The following NRG1 variants were observed in gnomAD, a reference collection of about 807,000 sequenced individuals.
The protein encoded by NRG1 is neuregulin 1.
A neutral mutation model predicts 63.8 loss-of-function variants in NRG1; 18 were observed. That is an observed-to-expected ratio of 0.28 (90% CI 0.19 to 0.42). The LOEUF is 0.42. Ranked by LOEUF, NRG1 falls within the 10% of genes least tolerant of loss-of-function variation. The pLI, the probability that NRG1 is intolerant of heterozygous loss-of-function variation, is 1.00. For missense variants in NRG1, 762 were observed against 814.7 expected, an observed-to-expected ratio of 0.94 and a Z score of 0.79; for synonymous variants, 302 against 301.3, an observed-to-expected ratio of 1.00 and a Z score of -0.02.
At chr8:32,129,163 G>A (rs1039267977) in intron 1 of NRG1, among the ~76,000 whole-genome samples, 2 of 151,980 alleles carry the variant, frequency 1.3e-5, no homozygotes, top group East Asian at 3.9e-4. Flanking sequence ...ACAATCTCAG[G>A]TTCATAAAAA....
At chr8:32,545,242 C>T (rs1168407781), upstream of NRG1, among the ~76,000 whole-genome samples, 2 of 149,538 alleles carry the variant, frequency 1.3e-5, no homozygotes, top group Non-Finnish European at 2.9e-5. Flanking sequence ...TGTAGTGGCA[C>T]ACGATTGCGT....
chr8:32,374,601 G>A (rs1423118294), intron 1 of NRG1, among the ~76,000 whole-genome samples: 3 of 152,166 alleles, frequency 2.0e-5, no homozygotes, highest in Non-Finnish European at 4.4e-5. Context: ...AACCAAATTA[G>A]TGATTCCCCT....
In NRG1 at chr8:32,232,687, T is replaced by C. The variant is rs940890583; in HGVS notation, c.38-363141T>C. ...AAATTTCCTTAACTGGGTTCTATCT[T>C]TTACTTTTTATCCCAGGCTTTTAGC... is the stretch of plus-strand genomic sequence containing the variant. On this transcript the variant is annotated intron_variant, in intron 1 of 10. Coordinates refer to the NRG1 transcript ENST00000519301. Among the ~76,000 whole-genome samples the C allele has an allele frequency of 3.9e-4, 60 of 152,168 alleles. 1 individual carries two copies. Among genetic ancestry groups the C allele is most frequent in the Admixed American group, 2.8e-3 (43 of 15,272 alleles).
chr8:31,817,941 T>C (rs1358024464), intron 1 of NRG1, among the ~76,000 whole-genome samples: 1 of 152,220 alleles, frequency 6.6e-6, no homozygotes, highest in African/African-American at 2.4e-5. Context: ...ATATTTTTAA[T>C]CTACTTTAGC....
chr8:32,632,288 C>T (rs1850461637), intron 5 of NRG1, among the ~76,000 whole-genome samples: 1 of 152,126 alleles, frequency 6.6e-6, no homozygotes, highest in Non-Finnish European at 1.5e-5. Flanking sequence ...CGTGGTGGCT[C>T]ACACCTGTAA....
intron 1 of NRG1, among the ~76,000 whole-genome samples, chr8:31,850,902 A>T (rs1277303883): frequency 6.6e-6 from 1 of 152,162 alleles, no homozygotes; most frequent in East Asian, 1.9e-4. Context: ...GTCTCTATTG[A>T]CAAAACCGGA....
At chr8:31,802,424 G>T (rs1487084467) in intron 1 of NRG1, among the ~76,000 whole-genome samples, 2 of 152,040 alleles carry the variant, frequency 1.3e-5, no homozygotes, top group Admixed American at 6.6e-5. Context: ...AGCAGGTTTT[G>T]GGTGTTACAT....
At chr8:32,386,893 G>A (rs1399750310) in intron 1 of NRG1, among the ~76,000 whole-genome samples, 1 of 152,132 alleles carries the variant, frequency 6.6e-6, no homozygotes. Flanking sequence ...GTGTAGGGAT[G>A]CAGAGCAAAT....
At chr8:32,691,125 A>G (rs889370263) in intron 5 of NRG1, among the ~76,000 whole-genome samples, 1 of 152,084 alleles carries the variant, frequency 6.6e-6, no homozygotes, top group Non-Finnish European at 1.5e-5. Context: ...GTTATCTTGA[A>G]TGAGGGTGGA....
At chr8:32,122,189 A>G (rs758893965) in intron 1 of NRG1, among the ~76,000 whole-genome samples, 1 of 151,972 alleles carries the variant, frequency 6.6e-6, no homozygotes, top group Non-Finnish European at 1.5e-5. Flanking sequence ...ACAAATATAA[A>G]TAGTTATGGG....
At position 31,707,575 on chromosome 8, in the gene NRG1, T is replaced by A. The variant is rs1202886015; in HGVS notation, c.37+68144T>A. Among the ~76,000 whole-genome samples the A allele has an allele frequency of 3.3e-5, 5 of 152,272 alleles. No homozygotes were observed. The East Asian group carries it at 9.6e-4, about 29-fold the overall frequency. Reference sequence around the variant, plus strand: ...ATTTTATTACATTTTCAAATTAAATTGCTGTCTTTATGATCTCGAAATTTA... The same window carrying A: ...ATTTTATTACATTTTCAAATTAAATAGCTGTCTTTATGATCTCGAAATTTA... On this transcript the variant is annotated intron_variant, in intron 1 of 10. Coordinates refer to the NRG1 transcript ENST00000519301.
chr8:32,728,592 C>T (rs923154096), intron 6 of NRG1: 40 of 983,624 alleles, frequency 4.1e-5, no homozygotes, highest in African/African-American at 7.0e-5. Context: ...ATTTTTTAAA[C>T]GGAGTTTAGT....
intron 1 of NRG1, among the ~76,000 whole-genome samples, chr8:31,961,222 C>G (rs891648259): frequency 3.3e-5 from 5 of 152,204 alleles, no homozygotes; most frequent in African/African-American, 1.2e-4. Flanking sequence ...AAAGCATTCT[C>G]TGTTCTCTTG....
At chr8:32,756,568 C>G (rs765615548) in intron 9 of NRG1, 39 bp downstream of exon 9, 4 of 1,581,214 alleles carry the variant, frequency 2.5e-6, no homozygotes, top group Non-Finnish European at 3.4e-6. Flanking sequence ...CTGAGCCTCT[C>G]TCCTTTGTTC....
chr8:32,077,250 C>T (rs1235129655), intron 1 of NRG1, among the ~76,000 whole-genome samples: 1 of 152,044 alleles, frequency 6.6e-6, no homozygotes, highest in African/African-American at 2.4e-5. Flanking sequence ...GCCTATAATC[C>T]CAGCTACTTG....
chr8:32,616,749 G>A, intron 4 of NRG1, 86 bp from the exon 5 acceptor site: 2 of 966,212 alleles, frequency 2.1e-6, no homozygotes, highest in South Asian at 2.6e-5. Context: ...CTTTTACTAG[G>A]CGATACCCAA....
chr8:32,481,481 A>G (rs1001149483), intron 1 of NRG1, among the ~76,000 whole-genome samples: 13 of 152,390 alleles, frequency 8.5e-5, no homozygotes, highest in African/African-American at 3.1e-4. Flanking sequence ...GTGCAAAGCA[A>G]GAAAAGTTAG....
chr8:31,761,305 G>C (rs1294316185), intron 1 of NRG1, among the ~76,000 whole-genome samples: 1 of 152,102 alleles, frequency 6.6e-6, no homozygotes, highest in South Asian at 2.1e-4. Flanking sequence ...ACTGTTGTGG[G>C]GTGAGGGGAG....
In NRG1 at chr8:31,640,250, C is replaced by A. The variant is rs1361292992; in HGVS notation, c.37+819C>A. ...GTGGTGATCGAGGGAAAGGTGCACC[C>A]GCAGCGGCGGCAGCAGGGGGCACTC... is the stretch of plus-strand genomic sequence containing the variant. On this transcript the variant is annotated intron_variant, in intron 1 of 10. Coordinates refer to the NRG1 transcript ENST00000519301. The surrounding 1 kb of genome is among the most constrained non-coding windows in gnomAD (Gnocchi z 6.3). 1 of 1,145,840 alleles carries A rather than the reference C, an allele frequency of 8.7e-7. No individual in the cohort carries two copies. The highest frequency in any genetic ancestry group is 1.1e-6 in the Non-Finnish European group (1 of 932,946). 71.0% of individuals were successfully genotyped at this position (1,145,840 alleles called of 1,614,324 possible). A position where few individuals can be genotyped will look rare whatever the true frequency, so the allele number is the denominator to read the frequency against.
Sources: allele counts gnomAD v4.1 joint callset (sites outside exome capture counted in the v4.1 genomes callset), GRCh38; gene constraint gnomAD v4.1.1; non-coding constraint Gnocchi (gnomAD v3.1); transcripts MANE v1.5; gene names NCBI Gene and HGNC (gene_info 2026-07-23, HGNC 2026-07-21).